The following RBFOX1 variants were observed in gnomAD, a reference collection of about 807,000 sequenced individuals.
RBFOX1 encodes the protein RNA binding protein fox-1 homolog 1.
Under a neutral mutation model 57.7 loss-of-function variants are expected in RBFOX1, and 8 were observed. That is an observed-to-expected ratio of 0.14 (90% CI 0.08 to 0.25). The LOEUF is 0.25. Among genes scored for constraint, RBFOX1 ranks in the 10% least tolerant of loss-of-function variants. The pLI is 1.00. For synonymous variants in RBFOX1, 326 were observed against 222.4 expected (o/e 1.47, Z -4.15); for missense variants, 611 against 548.5 (o/e 1.11, Z -1.14).
chr16:7,026,338 T>G (rs746124252), intron 3 of RBFOX1, among the ~76,000 whole-genome samples: 7 of 152,196 alleles, frequency 4.6e-5, no homozygotes, highest in Non-Finnish European at 8.8e-5. Flanking sequence ...AACTCGGGTA[T>G]CCATGATGCA....
At chr16:5,982,102 G>C (rs557210582) in intron 4 of RBFOX1, among the ~76,000 whole-genome samples, 9 of 152,284 alleles carry the variant, frequency 5.9e-5, no homozygotes, top group African/African-American at 2.2e-4. Context: ...CACAGGGCCA[G>C]AAGCCTTATA....
chr16:7,474,864 C>T (rs971491841), intron 4 of RBFOX1, among the ~76,000 whole-genome samples: 3 of 152,170 alleles, frequency 2.0e-5, no homozygotes, highest in Non-Finnish European at 2.9e-5. Context: ...ACTGTGAATG[C>T]CATTTAGTTA....
intron 4 of RBFOX1, among the ~76,000 whole-genome samples, chr16:7,456,676 C>G (rs149647241): frequency 6.6e-6 from 1 of 152,118 alleles, no homozygotes; most frequent in Non-Finnish European, 1.5e-5. Flanking sequence ...CATCACCCAA[C>G]GGTCTTCCTG....
chr16:7,373,731 C>T (rs1355841278), intron 4 of RBFOX1, among the ~76,000 whole-genome samples: 3 of 152,190 alleles, frequency 2.0e-5, no homozygotes, highest in Non-Finnish European at 2.9e-5. Context: ...ATAGTTGATA[C>T]AGGGGCCCAG....
chr16:7,416,419 G>C (rs2098478472), intron 4 of RBFOX1, among the ~76,000 whole-genome samples: 1 of 152,164 alleles, frequency 6.6e-6, no homozygotes, highest in African/African-American at 2.4e-5. Context: ...ATGATTGAGT[G>C]CCTGGGAGTC....
At chr16:7,204,817 C>G (rs2089573004) in intron 4 of RBFOX1, among the ~76,000 whole-genome samples, 1 of 152,142 alleles carries the variant, frequency 6.6e-6, no homozygotes, top group African/African-American at 2.4e-5. Context: ...ATTGGTAACT[C>G]CTCATTTTCC....
chr16:6,717,912 T>C (rs912216826), intron 3 of RBFOX1, among the ~76,000 whole-genome samples: 1 of 152,234 alleles, frequency 6.6e-6, no homozygotes, highest in Non-Finnish European at 1.5e-5. Context: ...GATCCTATAC[T>C]GGGATAAAGC....
At chr16:6,383,523 C>T (rs1442207058) in intron 2 of RBFOX1, among the ~76,000 whole-genome samples, 1 of 152,140 alleles carries the variant, frequency 6.6e-6, no homozygotes, top group African/African-American at 2.4e-5. Context: ...GCCTGTAATG[C>T]CAGTATTTTG....
Position 6,091,571 on chromosome 16 carries a change from T to G in RBFOX1, c.-127+71579T>G, listed in dbSNP as rs183256437. ...GAGGCCGAGTGTCATGGCTCACGCC[T>G]GTAATCCCAGGACTTTTGAAGGCTG... On this transcript the variant is annotated intron_variant, in intron 1 of 15. Transcript: ENST00000550418. Among the ~76,000 whole-genome samples, 18 of 152,344 alleles carry G rather than the reference T, an allele frequency of 1.2e-4. No homozygotes were observed. In the East Asian group the frequency reaches 3.3e-3, roughly 28 times the overall value.
At chr16:6,100,128 T>G (rs1349423088) in intron 1 of RBFOX1, among the ~76,000 whole-genome samples, 2 of 152,144 alleles carry the variant, frequency 1.3e-5, no homozygotes, top group Non-Finnish European at 2.9e-5. Flanking sequence ...GATGCAGGCT[T>G]ATTGCATTAT....
intron 4 of RBFOX1, among the ~76,000 whole-genome samples, chr16:7,204,671 T>A (rs2089530744): frequency 6.6e-6 from 1 of 152,158 alleles, no homozygotes. Context: ...AAAAAGTTCC[T>A]CACTGTTCTA....
chr16:5,296,013 C>T (rs1407965942), intron 1 of RBFOX1, among the ~76,000 whole-genome samples: 1 of 152,192 alleles, frequency 6.6e-6, no homozygotes, highest in African/African-American at 2.4e-5. Flanking sequence ...TTGTTAATAT[C>T]ATCAGGTTGA....
chr16:5,373,050 A>T (rs1379084740), intron 1 of RBFOX1, among the ~76,000 whole-genome samples: 1 of 152,102 alleles, frequency 6.6e-6, no homozygotes, highest in Non-Finnish European at 1.5e-5. Flanking sequence ...TCTTGATATC[A>T]CCTCTTCTCA....
intron 3 of RBFOX1, among the ~76,000 whole-genome samples, chr16:6,885,853 A>G (rs2063895156): frequency 6.6e-6 from 1 of 152,126 alleles, no homozygotes; most frequent in Non-Finnish European, 1.5e-5. Context: ...TTTTTATTTT[A>G]GAGAAATTCT....
intron 4 of RBFOX1, among the ~76,000 whole-genome samples, chr16:7,065,177 G>A (rs2055652860): frequency 2.0e-5 from 3 of 152,150 alleles, no homozygotes. Context: ...ACTGGTGTTT[G>A]GAAGAATGCA....
At chr16:6,973,249 A>G (rs1034354573) in intron 3 of RBFOX1, among the ~76,000 whole-genome samples, 5 of 152,178 alleles carry the variant, frequency 3.3e-5, no homozygotes, top group East Asian at 1.9e-4. Context: ...AATAGCATAA[A>G]TGATTAACAG....
intron 1 of RBFOX1, among the ~76,000 whole-genome samples, chr16:6,231,950 A>C (rs1346835345): frequency 6.6e-6 from 1 of 151,910 alleles, no homozygotes; most frequent in Admixed American, 6.6e-5. Flanking sequence ...CAAAGGGATC[A>C]AATAAAGCAA....
At chr16:7,314,116 A>G (rs4337311) in intron 4 of RBFOX1, among the ~76,000 whole-genome samples, 131,431 of 151,938 alleles carry the variant, frequency 0.87, 57,026 homozygotes, top group East Asian at 1. Flanking sequence ...GGGGAGGAGG[A>G]AGGGAGAGGG....
chr16:6,043,353 C>G (rs925558404), intron 1 of RBFOX1, among the ~76,000 whole-genome samples: 2 of 152,066 alleles, frequency 1.3e-5, no homozygotes, highest in Admixed American at 1.3e-4. Context: ...TCAGAAAAGA[C>G]AGCTTTGCAG....
Sources: allele counts gnomAD v4.1 joint callset (sites outside exome capture counted in the v4.1 genomes callset), GRCh38; gene constraint gnomAD v4.1.1; transcripts MANE v1.5; gene names NCBI Gene and HGNC (gene_info 2026-07-23, HGNC 2026-07-21).